MED13L: variants seen among roughly 807,000 people sequenced by gnomAD.
MED13L encodes mediator complex subunit 13L.
Under a neutral mutation model 220.9 loss-of-function variants are expected in MED13L, and 7 were observed. That is an observed-to-expected ratio of 0.03 (90% CI 0.02 to 0.06). The LOEUF (loss-of-function observed/expected upper bound fraction) is 0.06. Among genes scored for constraint, MED13L ranks in the 10% least tolerant of loss-of-function variants. MED13L has a pLI of 1.00. For missense variants in MED13L, 1,965 were observed against 2,760.5 expected (o/e 0.71, Z 6.46); for synonymous variants, 1,011 against 1,015.2 (o/e 1.00, Z 0.08).
At position 116,119,285 on chromosome 12, in the gene MED13L, G is replaced by C. The variant is rs147136785; in HGVS notation, c.311-7773C>G. On this transcript the variant is annotated intron_variant, in intron 2 of 30. Transcript: ENST00000281928. The stretch of plus-strand genomic sequence containing the variant: ...ATCCAGGGACAAAAAGAAAGCCGAT[G>C]GAGATATCTTTCTGACAGCTCTAGG... Among the ~76,000 whole-genome samples the C allele has an allele frequency of 2.3e-3, 347 of 152,250 alleles. 1 individual carries two copies. The highest frequency in any genetic ancestry group is 8.0e-3 in the African/African-American group (332 of 41,536).
intron 18 of MED13L, 28 bp downstream of exon 18, chr12:115,987,081 G>A: frequency 6.2e-7 from 1 of 1,612,330 alleles, no homozygotes; most frequent in Non-Finnish European, 8.5e-7. Context: ...GAAGTCAGAA[G>A]GAATTTTAAA....
intron 29 of MED13L, 114 bp downstream of exon 29, chr12:115,965,968 G>T: frequency 7.5e-7 from 1 of 1,338,876 alleles, no homozygotes; most frequent in Admixed American, 1.8e-5. Context: ...AGATACAAGA[G>T]AAAAAAGGAA....
chr12:115,995,316 T>C (rs996634323), intron 16 of MED13L, among the ~76,000 whole-genome samples: 3 of 152,224 alleles, frequency 2.0e-5, no homozygotes, highest in African/African-American at 7.2e-5. Context: ...ATATATTGCT[T>C]ACCTGACCAC....
intron 2 of MED13L, among the ~76,000 whole-genome samples, chr12:116,212,882 A>T (rs992731405): frequency 2.6e-5 from 4 of 152,184 alleles, no homozygotes; most frequent in Non-Finnish European, 5.9e-5. Context: ...TTTGAAACTA[A>T]AAAGAAAGTG....
At chr12:116,097,684 G>A (rs1226505092) in intron 3 of MED13L, among the ~76,000 whole-genome samples, 36 of 152,314 alleles carry the variant, frequency 2.4e-4, no homozygotes, top group East Asian at 3.9e-4. Context: ...TATACAAGCA[G>A]TGGCCCACTT....
Position 115,991,924 on chromosome 12 carries a change from T to C in MED13L, c.3030A>G (p.Pro1010=). ...NVPSVGSLAD[P]DYLNTPQMNT... ...TCATCTGTGGTGTGTTCAGATAGTC[T>C]GGATCTGCTAGGCTCCCAACACTAG... Residue 1010 remains proline (P), a synonymous_variant, in exon 17 of 31, where the codon CCA becomes CCG. Transcript: ENST00000281928. This position sits in a 1 kb window ranked among gnomAD's most constrained non-coding sequence, Gnocchi z 7.7. 6.2e-7 allele frequency: 1 copy of C among 1,600,042 alleles called. No homozygotes were observed. Among genetic ancestry groups the C allele is most frequent in the Non-Finnish European group, 8.5e-7 (1 of 1,179,920 alleles).
chr12:116,167,670 T>C (rs968179041), intron 2 of MED13L, among the ~76,000 whole-genome samples: 1 of 152,174 alleles, frequency 6.6e-6, no homozygotes, highest in Non-Finnish European at 1.5e-5. Flanking sequence ...TCTCCAATGG[T>C]AGCCATTTAA....
At position 116,077,575 on chromosome 12, in the gene MED13L, C is replaced by T. The variant is rs187581954; in HGVS notation, c.479+19094G>A. On this transcript the variant is annotated intron_variant, in intron 4 of 30. Transcript: ENST00000281928. Reference sequence around the variant, plus strand: ...AGAGTTATGTATACCACTGGATATACTATCTGCATAAGAAAGGGAATATAT... The same window carrying T: ...AGAGTTATGTATACCACTGGATATATTATCTGCATAAGAAAGGGAATATAT... Among the ~76,000 whole-genome samples, 5 of 152,248 alleles carry T rather than the reference C, an allele frequency of 3.3e-5. No homozygotes were observed. The East Asian group carries it at 9.6e-4, about 29-fold the overall frequency.
intron 2 of MED13L, among the ~76,000 whole-genome samples, chr12:116,197,782 G>GAAA (rs397964346): frequency 2.1e-5 from 3 of 140,988 alleles, no homozygotes; most frequent in Non-Finnish European, 4.7e-5. Flanking sequence ...AGAAAAAAAG[G>GAAA]AAAAAAAAAA....
At chr12:116,079,202 C>T (rs1871041654) in intron 4 of MED13L, among the ~76,000 whole-genome samples, 1 of 150,078 alleles carries the variant, frequency 6.7e-6, no homozygotes, top group South Asian at 2.1e-4. Flanking sequence ...CATAACTTTC[C>T]TCAGTTTTAT....
intron 4 of MED13L, among the ~76,000 whole-genome samples, chr12:116,025,837 C>A (rs1326663099): frequency 6.6e-6 from 1 of 152,048 alleles, no homozygotes; most frequent in African/African-American, 2.4e-5. Flanking sequence ...TTGTATATCT[C>A]AAAACAGGTA....
At chr12:116,264,491 G>A (rs982827979) in intron 1 of MED13L, among the ~76,000 whole-genome samples, 6 of 152,114 alleles carry the variant, frequency 3.9e-5, no homozygotes, top group South Asian at 2.1e-4. Flanking sequence ...TTGTTTATTC[G>A]GCCTGAAGCT....
intron 17 of MED13L, among the ~76,000 whole-genome samples, chr12:115,989,866 T>A (rs1306485138): frequency 6.7e-6 from 1 of 149,658 alleles, no homozygotes; most frequent in African/African-American, 2.4e-5. Context: ...CTCACTAACC[T>A]CCTTGTCTCC....
chr12:116,068,621 C>T (rs1364616823), intron 4 of MED13L, among the ~76,000 whole-genome samples: 1 of 152,138 alleles, frequency 6.6e-6, no homozygotes, highest in Non-Finnish European at 1.5e-5. Context: ...CTAGGATTGG[C>T]AACAGCTATT....
At chr12:116,184,762 A>AT (rs1265257234) in intron 2 of MED13L, among the ~76,000 whole-genome samples, 1 of 152,188 alleles carries the variant, frequency 6.6e-6, no homozygotes, top group African/African-American at 2.4e-5. Context: ...AAAACCATTA[A>AT]CTATTTATCA....
intron 4 of MED13L, among the ~76,000 whole-genome samples, chr12:116,054,717 G>A (rs897403464): frequency 2.0e-5 from 3 of 152,136 alleles, no homozygotes; most frequent in Non-Finnish European, 2.9e-5. Context: ...TTCCAAGTGC[G>A]GACAGGACAC....
intron 2 of MED13L, among the ~76,000 whole-genome samples, chr12:116,125,694 T>C (rs888786268): frequency 2.6e-5 from 4 of 152,344 alleles, no homozygotes; most frequent in Admixed American, 1.3e-4. Context: ...TGTGAAGTCA[T>C]GACTCCCCCA....
intron 4 of MED13L, among the ~76,000 whole-genome samples, chr12:116,070,112 T>G (rs1870253528): frequency 6.6e-6 from 1 of 152,186 alleles, no homozygotes. Context: ...CATGATTCAT[T>G]AAGGGCTAAA....
At chr12:116,080,852 G>T (rs756030795) in intron 4 of MED13L, among the ~76,000 whole-genome samples, 1 of 152,178 alleles carries the variant, frequency 6.6e-6, no homozygotes, top group Non-Finnish European at 1.5e-5. Flanking sequence ...TGTTGAAACA[G>T]TTACTAAGTT....
Sources: allele counts gnomAD v4.1 joint callset (sites outside exome capture counted in the v4.1 genomes callset), GRCh38; gene constraint gnomAD v4.1.1; non-coding constraint Gnocchi (gnomAD v3.1); transcripts MANE v1.5; gene names NCBI Gene and HGNC (gene_info 2026-07-23, HGNC 2026-07-21).